Variants in CNBD1 observed in about 807,000 individuals in gnomAD.
The protein encoded by CNBD1 is cyclic nucleotide-binding domain-containing protein 1.
Under a neutral mutation model 54.4 loss-of-function variants are expected in CNBD1, and 71 were observed. The observed-to-expected ratio is 1.30, with a 90% CI of 1.08 to 1.59. The LOEUF (loss-of-function observed/expected upper bound fraction) is 1.59. Ranked by LOEUF, CNBD1 falls within the 40% of genes most tolerant of loss-of-function variation. CNBD1 has a pLI of 0.00. For synonymous variants in CNBD1, 182 were observed against 170.7 expected, an observed-to-expected ratio of 1.07 and a Z score of -0.51; for missense variants, 659 against 518.0, an observed-to-expected ratio of 1.27 and a Z score of -2.64.
intron 4 of CNBD1, among the ~76,000 whole-genome samples, chr8:87,050,798 C>T (rs1023991737): frequency 6.6e-6 from 1 of 152,174 alleles, no homozygotes; most frequent in Non-Finnish European, 1.5e-5. Context: ...TTCTGCACTC[C>T]TAATATTGGA....
chr8:87,042,352 C>T (rs2130611418), intron 4 of CNBD1, among the ~76,000 whole-genome samples: 1 of 152,240 alleles, frequency 6.6e-6, no homozygotes, highest in East Asian at 1.9e-4. Flanking sequence ...GTGTTAAAAC[C>T]ACGGTCTTGA....
At chr8:86,905,044 A>G (rs771843954) in intron 2 of CNBD1, 37 bp from the exon 3 acceptor site, 35 of 1,276,384 alleles carry the variant, frequency 2.7e-5, no homozygotes, top group Non-Finnish European at 2.8e-5. Flanking sequence ...CTGTTATCCT[A>G]TGACACTTAC....
chr8:87,185,708 G>T (rs569091347), intron 4 of CNBD1, among the ~76,000 whole-genome samples: 2 of 152,054 alleles, frequency 1.3e-5, no homozygotes, highest in Admixed American at 6.6e-5. Context: ...TTCAGTTTCC[G>T]GTCCATGATA....
chr8:87,003,674 G>C (rs528009555), intron 4 of CNBD1, among the ~76,000 whole-genome samples: 1 of 152,096 alleles, frequency 6.6e-6, no homozygotes, highest in African/African-American at 2.4e-5. Context: ...ACAGGTACTA[G>C]AGGATATGAG....
chr8:86,997,421 A>T (rs2130538947), intron 4 of CNBD1, among the ~76,000 whole-genome samples: 1 of 152,308 alleles, frequency 6.6e-6, no homozygotes. Flanking sequence ...GTAATTAGAC[A>T]TGATAAATTT....
intron 6 of CNBD1, among the ~76,000 whole-genome samples, chr8:87,258,223 T>A (rs1050341915): frequency 2.0e-5 from 3 of 152,086 alleles, no homozygotes; most frequent in African/African-American, 7.2e-5. Context: ...AAACACTTGA[T>A]ATTGTAAACT....
chr8:87,009,023 C>T (rs1484332549), intron 4 of CNBD1, among the ~76,000 whole-genome samples: 3 of 151,770 alleles, frequency 2.0e-5, no homozygotes, highest in Non-Finnish European at 4.4e-5. Flanking sequence ...TTTATTTGAA[C>T]TACCATTATT....
chr8:87,323,369 G>C (rs1289788831), intron 8 of CNBD1, among the ~76,000 whole-genome samples: 2 of 138,380 alleles, frequency 1.4e-5, no homozygotes, highest in African/African-American at 5.5e-5. Context: ...GATGGGGATG[G>C]CATTGAATCT....
At chr8:87,233,384 A>T (rs1173118935) in intron 5 of CNBD1, among the ~76,000 whole-genome samples, 1 of 152,148 alleles carries the variant, frequency 6.6e-6, no homozygotes, top group Non-Finnish European at 1.5e-5. Context: ...AGTCACACAG[A>T]TTTTTTGGTT....
chr8:87,278,876 T>C (rs1435874091), intron 6 of CNBD1, among the ~76,000 whole-genome samples: 1 of 151,328 alleles, frequency 6.6e-6, no homozygotes, highest in Non-Finnish European at 1.5e-5. Flanking sequence ...TGTAAAAAAA[T>C]TTTTCAATCC....
At chr8:86,965,205 G>A (rs1015766028) in intron 4 of CNBD1, among the ~76,000 whole-genome samples, 1 of 152,212 alleles carries the variant, frequency 6.6e-6, no homozygotes. Flanking sequence ...TATAAAAGAA[G>A]AACCATGACA....
intron 4 of CNBD1, among the ~76,000 whole-genome samples, chr8:87,088,932 C>A (rs1016447649): frequency 6.6e-6 from 1 of 152,012 alleles, no homozygotes; most frequent in Non-Finnish European, 1.5e-5. Context: ...TATACACAGA[C>A]AAATGTGATA....
chr8:86,945,860 C>G (rs2130437366), intron 4 of CNBD1, among the ~76,000 whole-genome samples: 1 of 152,302 alleles, frequency 6.6e-6, no homozygotes, highest in South Asian at 2.1e-4. Flanking sequence ...GCGTGTCACG[C>G]TGAATCTTCT....
At chr8:86,919,968 G>C (rs1809245269) in intron 3 of CNBD1, among the ~76,000 whole-genome samples, 1 of 151,902 alleles carries the variant, frequency 6.6e-6, no homozygotes, top group Admixed American at 6.6e-5. Context: ...AATTTGAACA[G>C]CAAGTTTACT....
chr8:87,267,570 A>T (rs1808287456), intron 6 of CNBD1, among the ~76,000 whole-genome samples: 1 of 152,172 alleles, frequency 6.6e-6, no homozygotes, highest in South Asian at 2.1e-4. Context: ...ATGAGGTAAC[A>T]TGTACAAGAA....
intron 4 of CNBD1, among the ~76,000 whole-genome samples, chr8:87,011,340 G>T (rs146263305): frequency 1.3e-5 from 2 of 152,124 alleles, no homozygotes; most frequent in Non-Finnish European, 2.9e-5. Flanking sequence ...ATGCCTTGAG[G>T]GGAAAAGTGG....
chr8:86,922,510 C>A (rs1809291350), intron 3 of CNBD1, among the ~76,000 whole-genome samples: 1 of 152,082 alleles, frequency 6.6e-6, no homozygotes, highest in African/African-American at 2.4e-5. Context: ...CCCAAATTAA[C>A]CCCTCTACCA....
intron 4 of CNBD1, 39 bp downstream of exon 4, chr8:86,939,793 A>G (rs1809619049): frequency 2.6e-5 from 32 of 1,235,874 alleles, no homozygotes; most frequent in Non-Finnish European, 3.5e-5. Flanking sequence ...TAATTGAGTA[A>G]TTCTTTTGAA....
At chr8:87,121,004 T>C (rs922054563) in intron 4 of CNBD1, among the ~76,000 whole-genome samples, 23 of 151,990 alleles carry the variant, frequency 1.5e-4, no homozygotes, top group African/African-American at 5.3e-4. Flanking sequence ...TAAATGTTGA[T>C]AATATTTTAC....
Sources: allele counts gnomAD v4.1 joint callset (sites outside exome capture counted in the v4.1 genomes callset), GRCh38; gene constraint gnomAD v4.1.1; transcripts MANE v1.5; gene names NCBI Gene and HGNC (gene_info 2026-07-23, HGNC 2026-07-21).